BMP8B: variants seen among roughly 807,000 people sequenced by gnomAD.
BMP8B encodes bone morphogenetic protein 8b.
In BMP8B, 17 loss-of-function variants were observed where a neutral mutation model predicts 30.3. The observed-to-expected ratio is 0.56, with a 90% CI of 0.38 to 0.84. The LOEUF (loss-of-function observed/expected upper bound fraction) is 0.84. Among genes scored for constraint, BMP8B ranks in the 40% least tolerant of loss-of-function variants. The pLI, the probability that BMP8B is intolerant of heterozygous loss-of-function variation, is 0.00. For synonymous variants in BMP8B, 131 were observed against 214.7 expected (o/e 0.61, Z 3.41); for missense variants, 253 against 494.6 (o/e 0.51, Z 4.63).
chr1:39,768,866 G>GA lies in BMP8B; in HGVS notation c.674-4050dup, dbSNP rs1257697325. On this transcript the variant is annotated intron_variant, in intron 3 of 6. Coordinates refer to ENST00000372827, the MANE Select transcript of BMP8B (RefSeq NM_001720.5). ...ACAGAGCGAGATTCTGTCTAAAAAA[G>GA]AAAAAAAATTACAGTAAGCTAAGGT... is the stretch of plus-strand genomic sequence containing the variant. Among the ~76,000 whole-genome samples the GA allele has an allele frequency of 6.6e-3, 979 of 149,336 alleles. 19 individuals are homozygous for GA. The highest frequency in any genetic ancestry group is 0.023 in the African/African-American group (934 of 40,048).
intron 1 of BMP8B, among the ~76,000 whole-genome samples, chr1:39,786,456 G>A (rs1204734366): frequency 6.6e-6 from 1 of 152,174 alleles, no homozygotes; most frequent in Non-Finnish European, 1.5e-5. Flanking sequence ...AGCAACGAAG[G>A]CTGAGAGGGT....
chr1:39,766,335 C>G (rs1312165784), intron 3 of BMP8B, among the ~76,000 whole-genome samples: 56 of 145,636 alleles, frequency 3.8e-4, no homozygotes, highest in Non-Finnish European at 7.5e-4. Flanking sequence ...TACATTTCAC[C>G]TCCATGTTAT....
At chr1:39,785,726 G>C (rs565279475) in intron 1 of BMP8B, among the ~76,000 whole-genome samples, 4 of 152,154 alleles carry the variant, frequency 2.6e-5, no homozygotes, top group African/African-American at 9.7e-5. Flanking sequence ...TCAGCTACTC[G>C]GGAGGCTGAG....
intron 1 of BMP8B, among the ~76,000 whole-genome samples, chr1:39,775,971 G>A (rs1433733974): frequency 1.3e-5 from 2 of 152,308 alleles, no homozygotes; most frequent in Non-Finnish European, 2.9e-5. Flanking sequence ...GCATGCACAG[G>A]GTGGAGGCGC....
At chr1:39,782,079 C>T (rs1557490793) in intron 1 of BMP8B, among the ~76,000 whole-genome samples, 2 of 151,316 alleles carry the variant, frequency 1.3e-5, no homozygotes, top group Admixed American at 6.6e-5. Context: ...TTGCTTGAAC[C>T]CAAGGAGGTT....
chr1:39,777,538 C>T (rs1339298509), intron 1 of BMP8B, among the ~76,000 whole-genome samples: 1 of 152,266 alleles, frequency 6.6e-6, no homozygotes, highest in African/African-American at 2.4e-5. Context: ...GTGCCTGCCA[C>T]TCCAGGCTAG....
rs371633750 is a variant in BMP8B, at chr1:39,760,377, C to A, written c.*42G>T. ...GTTTCCTGCTTCTGAGGGGCCCGAT[C>A]CAGATGAGAAGGGTGGCTGCAGCTG... On this transcript the variant is annotated 3_prime_UTR_variant, in exon 7 of 7. Coordinates refer to ENST00000372827, the MANE Select transcript of BMP8B (RefSeq NM_001720.5). 3.2e-5 allele frequency: 52 copies of A among 1,610,226 alleles called. No homozygotes were observed. In the African/African-American group the frequency reaches 4.5e-4, roughly 14 times the overall value.
At chr1:39,784,146 A>AAC (rs1650831601) in intron 1 of BMP8B, among the ~76,000 whole-genome samples, 1 of 152,136 alleles carries the variant, frequency 6.6e-6, no homozygotes, top group African/African-American at 2.4e-5. Context: ...CTCTCTTTCA[A>AAC]ACACAGATGT....
intron 4 of BMP8B, among the ~76,000 whole-genome samples, chr1:39,764,217 G>C (rs1386714626): frequency 2.6e-5 from 4 of 152,270 alleles, no homozygotes; most frequent in African/African-American, 7.2e-5. Context: ...GCACGGGGTT[G>C]GGTCAGGCCT....
Position 39,760,263 on chromosome 1 carries a change from A to C in BMP8B, c.*156T>G, listed in dbSNP as rs1287155968. The stretch of plus-strand genomic sequence containing the variant: ...CCTGGCAGGGCAAGGGGAGCATAGG[A>C]GCCTGGCATGAAGGAGAAAGGGTCA... On this transcript the variant is annotated 3_prime_UTR_variant, in exon 7 of 7. Coordinates refer to ENST00000372827, the MANE Select transcript of BMP8B (RefSeq NM_001720.5). 1 of 1,237,160 alleles carries C rather than the reference A, an allele frequency of 8.1e-7. No individual in the cohort carries two copies. Among genetic ancestry groups the C allele is most frequent in the Non-Finnish European group, 1.1e-6 (1 of 908,158 alleles). The allele number at this position is 1,237,160 out of a possible 1,614,324, so 76.6% of individuals were successfully genotyped here. A position where few individuals can be genotyped will look rare whatever the true frequency, so the allele number is the denominator to read the frequency against.
intron 6 of BMP8B, 60 bp downstream of exon 6, chr1:39,763,032 G>C: frequency 6.3e-7 from 1 of 1,580,938 alleles, no homozygotes; most frequent in Non-Finnish European, 8.7e-7. Context: ...AGCTGGACCA[G>C]ACCCCTCTCC....
chr1:39,788,465 CG>C lies in BMP8B; in HGVS notation c.20del (p.Pro7ArgfsTer100). On this transcript the variant is annotated frameshift_variant, in exon 1 of 7. Coordinates refer to ENST00000372827, the MANE Select transcript of BMP8B (RefSeq NM_001720.5). LOFTEE classifies it high-confidence loss of function. This position sits in a 1 kb window ranked among gnomAD's most constrained non-coding sequence, Gnocchi z 5.8. Reference protein sequence around the residue: MTALPGPLWLLGLALCA... With the variant: MTALPGXLWLLGLALCA... The stretch of plus-strand genomic sequence containing the variant: ...ATAGCGCCAGGCCCAGGAGCCAGAG[CG>C]GGCCGGGGAGCGCGGTCATGGCAGG... The C allele has an allele frequency of 9.8e-7, 1 of 1,025,382 alleles. No individual in the cohort carries two copies. The highest frequency in any genetic ancestry group is 1.2e-6 in the Non-Finnish European group (1 of 857,596). 63.5% of individuals were successfully genotyped at this position (1,025,382 alleles called of 1,614,324 possible). A position where few individuals can be genotyped will look rare whatever the true frequency, so the allele number is the denominator to read the frequency against.
intron 3 of BMP8B, among the ~76,000 whole-genome samples, chr1:39,766,708 A>G (rs1442958997): frequency 7.0e-6 from 1 of 143,390 alleles, no homozygotes; most frequent in Non-Finnish European, 1.5e-5. Context: ...TGAGCTGCAG[A>G]TGCTAACATG....
intron 1 of BMP8B, among the ~76,000 whole-genome samples, chr1:39,776,274 G>A (rs1810488): frequency 0.62 from 93,601 of 150,370 alleles, 29,427 homozygotes; most frequent in Middle Eastern, 0.78. Context: ...CAGGTGTCCG[G>A]AAATACCCAG....
At position 39,788,167 on chromosome 1, in the gene BMP8B, T is replaced by A; in HGVS notation, c.319A>T (p.Ser107Cys). The change falls in exon 1 of 7, where the codon AGC (serine) becomes TGC (cysteine). Residue 107 changes from serine to cysteine, a missense_variant. Transcript: ENST00000372827. The surrounding 1 kb of genome is among the most constrained non-coding windows in gnomAD (Gnocchi z 5.8). ...CCGCACTCACCCATGTTAACGAAGC[T>A]CATGACCAGGTCGGCGCGGCCCAGG... The part of the protein sequence containing the change: ...RRLGRADLVM[S>C]FVNMVERDRA... 1 of 1,572,708 alleles carries A rather than the reference T, an allele frequency of 6.4e-7. No individual in the cohort carries two copies. The highest frequency in any genetic ancestry group is 2.4e-5 in the East Asian group (1 of 41,756).
rs1651167809 is a variant in BMP8B at position 39,788,474 on chromosome 1, G to A, written c.12C>T (p.Leu4=). Residue 4 remains leucine, a synonymous_variant, in exon 1 of 7, where the codon CTC becomes CTT. Coordinates refer to ENST00000372827, the MANE Select transcript of BMP8B (RefSeq NM_001720.5). The surrounding 1 kb of genome is among the most constrained non-coding windows in gnomAD (Gnocchi z 5.8). ...GGCCCAGGAGCCAGAGCGGGCCGGG[G>A]AGCGCGGTCATGGCAGGCCGGGGGC... is the stretch of plus-strand genomic sequence containing the variant. MTA[L]PGPLWLLGLA... is the part of the protein sequence containing the mutation. The A allele has an allele frequency of 1.1e-5, 11 of 1,021,418 alleles. No individual in the cohort carries two copies. Among genetic ancestry groups the A allele is most frequent in the South Asian group, 4.4e-5 (1 of 22,496 alleles). The allele number at this position is 1,021,418 out of a possible 1,614,324, so 63.3% of individuals were successfully genotyped here.
chr1:39,785,412 G>C (rs548157157), intron 1 of BMP8B, among the ~76,000 whole-genome samples: 56 of 151,540 alleles, frequency 3.7e-4, no homozygotes, highest in Admixed American at 6.6e-4. Context: ...TCTGACCCCA[G>C]CCCTGGCCTC....
chr1:39,775,879 T>A (rs1650190308), intron 1 of BMP8B, among the ~76,000 whole-genome samples: 1 of 152,090 alleles, frequency 6.6e-6, no homozygotes, highest in Non-Finnish European at 1.5e-5. Context: ...GCAGGTGGCA[T>A]CTGAACTGGC....
At chr1:39,779,309 C>T (rs1436334255) in intron 1 of BMP8B, among the ~76,000 whole-genome samples, 1 of 152,124 alleles carries the variant, frequency 6.6e-6, no homozygotes, top group Admixed American at 6.5e-5. Context: ...CCTGACCAGA[C>T]CCAGGCTCCT....
Sources: allele counts gnomAD v4.1 joint callset (sites outside exome capture counted in the v4.1 genomes callset), GRCh38; gene constraint gnomAD v4.1.1; non-coding constraint Gnocchi (gnomAD v3.1); transcripts MANE v1.5; gene names NCBI Gene and HGNC (gene_info 2026-07-23, HGNC 2026-07-21).